UBASH3B: variants seen among roughly 807,000 people sequenced by gnomAD.
UBASH3B encodes ubiquitin-associated and SH3 domain-containing protein B.
A neutral mutation model predicts 83.4 loss-of-function variants in UBASH3B; 37 were observed. The observed-to-expected ratio is 0.44, with a 90% confidence interval of 0.34 to 0.58. The LOEUF (loss-of-function observed/expected upper bound fraction) is 0.58, where lower values mean the gene tolerates loss of function less well. Ranked by LOEUF, UBASH3B falls within the 20% of genes least tolerant of loss-of-function variation. The probability of loss-of-function intolerance (pLI) is 0.01; values close to 1 mark genes in which losing one functional copy is unlikely to be tolerated. For synonymous variants in UBASH3B, 304 were observed against 318.3 expected (o/e 0.96, Z 0.48); for missense variants, 657 against 827.2 (o/e 0.79, Z 2.52).
intron 1 of UBASH3B, among the ~76,000 whole-genome samples, chr11:122,688,621 C>T (rs1863839928): frequency 3.0e-5 from 4 of 132,830 alleles, no homozygotes; most frequent in Non-Finnish European, 3.3e-5. Flanking sequence ...TAATTTTTTT[C>T]TTTCTTTTAT....
intron 5 of UBASH3B, among the ~76,000 whole-genome samples, chr11:122,788,620 G>A (rs545859417): frequency 2.6e-5 from 4 of 152,176 alleles, no homozygotes; most frequent in African/African-American, 7.2e-5. Flanking sequence ...TACACAGAAA[G>A]GGGGTACTTC....
chr11:122,683,862 T>A (rs1179954580), intron 1 of UBASH3B, among the ~76,000 whole-genome samples: 1 of 151,996 alleles, frequency 6.6e-6, no homozygotes, highest in Non-Finnish European at 1.5e-5. Context: ...TCTTTTCTGA[T>A]TTTTTTATTT....
At position 122,809,937 on chromosome 11, in the gene UBASH3B, G is replaced by A. The variant is rs774861370; in HGVS notation, c.*51G>A. The stretch of plus-strand genomic sequence containing the variant: ...GGCCTTTTGGAGTGTGTCTTTCTGT[G>A]TGTTTAAAAACAGTGGGAAAATCCA... On this transcript the variant is annotated 3_prime_UTR_variant, in exon 14 of 14. Coordinates refer to ENST00000284273, the MANE Select transcript of UBASH3B (RefSeq NM_032873.5). 1 of 1,595,054 alleles carries A rather than the reference G, an allele frequency of 6.3e-7. No homozygotes were observed. The highest frequency in any genetic ancestry group is 1.1e-5 in the South Asian group (1 of 88,480).
chr11:122,761,779 C>CT lies in UBASH3B; in HGVS notation c.162-14409dup, dbSNP rs138806467. Among the ~76,000 whole-genome samples the CT allele has an allele frequency of 8.0e-3, 526 of 65,398 alleles. 64 individuals are homozygous for CT. Among genetic ancestry groups the CT allele is most frequent in the East Asian group, 0.013 (33 of 2,468 alleles). The allele number at this position is 65,398 out of a possible 152,430, so 42.9% of individuals were successfully genotyped here. On this transcript the variant is annotated intron_variant, in intron 1 of 13. Transcript: ENST00000284273. ...CATTTTCATCTGTTTCTCCCAGATC[C>CT]TTTTTTTTTTTTTTTTTTTTTTTTT...
intron 1 of UBASH3B, among the ~76,000 whole-genome samples, chr11:122,696,908 C>T (rs1413070149): frequency 6.6e-6 from 1 of 152,140 alleles, no homozygotes; most frequent in Admixed American, 6.5e-5. Context: ...GTTCCTCCCG[C>T]CCTGCCCTGT....
intron 1 of UBASH3B, among the ~76,000 whole-genome samples, chr11:122,735,486 C>T (rs1052226207): frequency 1.9e-4 from 29 of 152,168 alleles, no homozygotes; most frequent in Admixed American, 1.3e-4. Context: ...GACCTCATTC[C>T]TTTAGTTATT....
chr11:122,725,106 A>ATT (rs1356346288), intron 1 of UBASH3B, among the ~76,000 whole-genome samples: 1 of 129,812 alleles, frequency 7.7e-6, no homozygotes, highest in African/African-American at 2.9e-5. Flanking sequence ...AGTAGCCAGG[A>ATT]TTACAGGCAC....
chr11:122,685,024 T>C (rs1340084597), intron 1 of UBASH3B, among the ~76,000 whole-genome samples: 1 of 152,176 alleles, frequency 6.6e-6, no homozygotes, highest in Non-Finnish European at 1.5e-5. Context: ...CAACATATCT[T>C]CACGGGCCGC....
chr11:122,720,590 G>A lies in UBASH3B; in HGVS notation c.162-55629G>A, dbSNP rs146999995. Among the ~76,000 whole-genome samples the A allele has an allele frequency of 6.5e-4, 99 of 152,268 alleles. No homozygotes were observed. The South Asian group carries it at 8.7e-3, about 13-fold the overall frequency. On this transcript the variant is annotated intron_variant, in intron 1 of 13. Transcript: ENST00000284273. Reference sequence around the variant, plus strand: ...GTTCCCTTGCTACCTCTCTGAATCTGTTTCCTAGCATGTACCTCCTTGCCC... The same window carrying A: ...GTTCCCTTGCTACCTCTCTGAATCTATTTCCTAGCATGTACCTCCTTGCCC...
intron 1 of UBASH3B, among the ~76,000 whole-genome samples, chr11:122,660,057 G>A (rs921231699): frequency 9.2e-5 from 14 of 152,208 alleles, no homozygotes; most frequent in African/African-American, 2.4e-4. Flanking sequence ...ATTAATGACT[G>A]CATGCTTGTT....
At chr11:122,709,065 G>A (rs763651376) in intron 1 of UBASH3B, among the ~76,000 whole-genome samples, 13 of 152,156 alleles carry the variant, frequency 8.5e-5, no homozygotes, top group Non-Finnish European at 1.8e-4. Context: ...TGGGCAACAT[G>A]GTGAAACACT....
intron 1 of UBASH3B, among the ~76,000 whole-genome samples, chr11:122,672,649 G>A (rs79901208): frequency 0.011 from 1,603 of 152,196 alleles, 27 homozygotes; most frequent in African/African-American, 0.035. Flanking sequence ...TTAATGAGTG[G>A]TTATAATTGC....
chr11:122,806,391 G>A lies in UBASH3B; in HGVS notation c.1596-19G>A. ...AGATCAAAATGTTTTCATTTCCTTT[G>A]TTCATTTTTCTATTACAGACCTCAC... is the stretch of plus-strand genomic sequence containing the variant. On this transcript the variant is annotated intron_variant, in intron 11 of 13. Transcript: ENST00000284273. The surrounding 1 kb of genome is among the most constrained non-coding windows in gnomAD (Gnocchi z 4.0). The A allele has an allele frequency of 1.3e-6, 2 of 1,580,356 alleles. No individual in the cohort carries two copies. Among genetic ancestry groups the A allele is most frequent in the Non-Finnish European group, 1.7e-6 (2 of 1,165,902 alleles).
chr11:122,794,105 A>G (rs974600775), intron 6 of UBASH3B, among the ~76,000 whole-genome samples: 2 of 152,230 alleles, frequency 1.3e-5, no homozygotes, highest in Non-Finnish European at 2.9e-5. Flanking sequence ...CCAACCATGC[A>G]TGGCACAAAA....
chr11:122,800,700 C>A (rs1405249010), intron 10 of UBASH3B, among the ~76,000 whole-genome samples: 2 of 152,002 alleles, frequency 1.3e-5, no homozygotes, highest in African/African-American at 2.4e-5. Flanking sequence ...CTTTCGCCTC[C>A]TGGGTTCAAG....
intron 1 of UBASH3B, among the ~76,000 whole-genome samples, chr11:122,736,496 G>GA (rs1565546447): frequency 1.3e-5 from 2 of 151,116 alleles, no homozygotes; most frequent in South Asian, 2.1e-4. Context: ...ATGCAGAATG[G>GA]AAAAAAAAGG....
intron 1 of UBASH3B, among the ~76,000 whole-genome samples, chr11:122,771,531 G>A (rs571376704): frequency 5.3e-5 from 8 of 152,258 alleles, no homozygotes; most frequent in African/African-American, 1.2e-4. Context: ...GTGAGCCACC[G>A]TGTCCAGCCT....
intron 1 of UBASH3B, among the ~76,000 whole-genome samples, chr11:122,770,179 C>G (rs943735337): frequency 6.6e-6 from 1 of 152,242 alleles, no homozygotes; most frequent in Non-Finnish European, 1.5e-5. Context: ...AGTCCACCAG[C>G]AATGCAAAGT....
rs11218756 is a variant in UBASH3B, at chr11:122,688,478, C to G, written c.161+32268C>G. 6.9e-3 allele frequency among the ~76,000 whole-genome samples: 989 copies of G among 144,032 alleles called. 31 individuals carry two copies. The East Asian group carries it at 0.1, about 15-fold the overall frequency. The allele number at this position is 144,032 out of a possible 152,430, so 94.5% of individuals were successfully genotyped here. On this transcript the variant is annotated intron_variant, in intron 1 of 13. Coordinates refer to ENST00000284273, the MANE Select transcript of UBASH3B (RefSeq NM_032873.5). ...TTTTTTTTTTTGAGACGGAGTCTGG[C>G]TCTGTTGCCCAGGCTGGAGAGCAGT...
Sources: allele counts gnomAD v4.1 joint callset (sites outside exome capture counted in the v4.1 genomes callset), GRCh38; gene constraint gnomAD v4.1.1; non-coding constraint Gnocchi (gnomAD v3.1); transcripts MANE v1.5; gene names NCBI Gene and HGNC (gene_info 2026-07-23, HGNC 2026-07-21).